The following CTDNEP1 variants were observed in gnomAD, a reference collection of about 807,000 sequenced individuals.
CTDNEP1 encodes the protein CTD nuclear envelope phosphatase 1.
CTDNEP1 carries 3 observed loss-of-function variants against 30.1 expected under a neutral mutation model. The observed-to-expected ratio is 0.10, with a 90% CI of 0.05 to 0.26. CTDNEP1 has a LOEUF of 0.26. CTDNEP1 is among the 10% of genes least tolerant of loss of function. The pLI, the probability that CTDNEP1 is intolerant of heterozygous loss-of-function variation, is 1.00. For missense variants in CTDNEP1, 158 were observed against 310.4 expected, an observed-to-expected ratio of 0.51 and a Z score of 3.69; for synonymous variants, 123 against 118.8, an observed-to-expected ratio of 1.04 and a Z score of -0.23.
chr17:7,250,874 G>C (rs1173569929), intron 1 of CTDNEP1, among the ~76,000 whole-genome samples: 1 of 152,078 alleles, frequency 6.6e-6, no homozygotes, highest in Non-Finnish European at 1.5e-5. Context: ...CATCAAACAG[G>C]TGTTCCCCGC....
At position 7,246,933 on chromosome 17, in the gene CTDNEP1, A is replaced by G; in HGVS notation, c.289-71T>C. On this transcript the variant is annotated intron_variant, in intron 3 of 7. Coordinates refer to ENST00000574322, the MANE Select transcript of CTDNEP1 (RefSeq NM_001143775.2). The surrounding 1 kb of genome is among the most constrained non-coding windows in gnomAD (Gnocchi z 4.9). Reference sequence around the variant, plus strand: ...CCCAGGCCTAGAAAACGCCCCACCCATCTGCTTCCCTCCTCCAGGCTGACA... The same window carrying G: ...CCCAGGCCTAGAAAACGCCCCACCCGTCTGCTTCCCTCCTCCAGGCTGACA... 6.8e-7 allele frequency: 1 copy of G among 1,468,832 alleles called. No homozygotes were observed. Among genetic ancestry groups the G allele is most frequent in the South Asian group, 1.1e-5 (1 of 87,274 alleles). The allele number at this position is 1,468,832 out of a possible 1,614,324, so 91.0% of individuals were successfully genotyped here. A position where few individuals can be genotyped will look rare whatever the true frequency, so the allele number is the denominator to read the frequency against.
At chr17:7,245,528 T>A (rs1296596621) in intron 6 of CTDNEP1, among the ~76,000 whole-genome samples, 1 of 151,922 alleles carries the variant, frequency 6.6e-6, no homozygotes. Context: ...AGACGGCGTC[T>A]CGCTCTGTCA....
chr17:7,246,256 G>A lies in CTDNEP1; in HGVS notation c.475C>T (p.Gln159Ter). The A allele has an allele frequency of 6.2e-7, 1 of 1,608,972 alleles. No homozygotes were observed. Among genetic ancestry groups the A allele is most frequent in the Non-Finnish European group, 8.5e-7 (1 of 1,175,358 alleles). ...RSILKRRYYR[Q>*]HCTLELGSYI... ...CTTAGACTGGGATTCTAGCTTACCT[G>A]TCTGTAATATCTCCTCTTAAGAATG... Residue 159 changes from glutamine (Q) to a stop codon, truncating the protein, a stop_gained and splice_region_variant, in exon 5 of 8, where the codon CAG becomes TAG. Coordinates refer to ENST00000574322, the MANE Select transcript of CTDNEP1 (RefSeq NM_001143775.2). LOFTEE classifies it high-confidence loss of function. This position sits in a 1 kb window ranked among gnomAD's most constrained non-coding sequence, Gnocchi z 4.9.
intron 1 of CTDNEP1, among the ~76,000 whole-genome samples, chr17:7,248,506 C>T (rs547187480): frequency 6.0e-5 from 9 of 150,664 alleles, no homozygotes; most frequent in East Asian, 4.0e-4. Flanking sequence ...ACTATAGGCG[C>T]GCGAACCACG....
In CTDNEP1 at chr17:7,251,235, C is replaced by G; in HGVS notation, c.62G>C (p.Trp21Ser). 6.2e-7 allele frequency: 1 copy of G among 1,603,100 alleles called. No homozygotes were observed. Among genetic ancestry groups the G allele is most frequent in the Non-Finnish European group, 8.5e-7 (1 of 1,175,994 alleles). ...CCGCAGAAGGTAAATGAAGAAGCTC[C>G]AGAGCTTGGCGGCGAAGGCCACGAA... is the stretch of plus-strand genomic sequence containing the variant. Reference protein sequence around the residue: ...RTFVAFAAKLWSFFIYLLRRQ... With the variant: ...RTFVAFAAKLSSFFIYLLRRQ... Residue 21 changes from tryptophan (W) to serine (S), a missense_variant, in exon 1 of 8, where the codon TGG becomes TCG. Transcript: ENST00000574322.
In CTDNEP1 at chr17:7,246,753, C is replaced by T; in HGVS notation, c.360+38G>A. On this transcript the variant is annotated intron_variant, in intron 4 of 7. Coordinates refer to ENST00000574322, the MANE Select transcript of CTDNEP1 (RefSeq NM_001143775.2). The surrounding 1 kb of genome is among the most constrained non-coding windows in gnomAD (Gnocchi z 4.9). The stretch of plus-strand genomic sequence containing the variant: ...AATTCCCAGAGCCCTAAAACCATTC[C>T]TTCATTACAGAGCTCCCTTTAGCTC... 1 of 1,557,144 alleles carries T rather than the reference C, an allele frequency of 6.4e-7. No individual in the cohort carries two copies. The highest frequency in any genetic ancestry group is 8.9e-7 in the Non-Finnish European group (1 of 1,129,548).
In CTDNEP1 at chr17:7,244,154, C is replaced by G. The variant is rs779755424; in HGVS notation, c.*31G>C. The G allele has an allele frequency of 2.6e-5, 42 of 1,613,110 alleles. No homozygotes were observed. The highest frequency in any genetic ancestry group is 4.5e-5 in the East Asian group (2 of 44,878). On this transcript the variant is annotated 3_prime_UTR_variant, in exon 8 of 8. Coordinates refer to ENST00000574322, the MANE Select transcript of CTDNEP1 (RefSeq NM_001143775.2). Reference sequence around the variant, plus strand: ...AAGGGCTCGCCCTCCCTTTCCCCCCCACCCCAACTCAGGTGGAGGGGGAGC... The same window carrying G: ...AAGGGCTCGCCCTCCCTTTCCCCCCGACCCCAACTCAGGTGGAGGGGGAGC...
chr17:7,249,489 T>A (rs968284712), intron 1 of CTDNEP1, among the ~76,000 whole-genome samples: 15 of 152,152 alleles, frequency 9.9e-5, no homozygotes, highest in Admixed American at 9.2e-4. Context: ...GACAAAAGGC[T>A]ATGGGGTCAG....
chr17:7,245,270 T>C (rs1597572919), intron 6 of CTDNEP1, among the ~76,000 whole-genome samples: 1 of 150,472 alleles, frequency 6.6e-6, no homozygotes, highest in South Asian at 2.1e-4. Flanking sequence ...CCAGCCTGGG[T>C]GACAGTGCGA....
chr17:7,249,587 C>T (rs1358646610), intron 1 of CTDNEP1, among the ~76,000 whole-genome samples: 1 of 152,100 alleles, frequency 6.6e-6, no homozygotes, highest in Non-Finnish European at 1.5e-5. Flanking sequence ...TGTGTTGGAG[C>T]GAGAACGTCA....
chr17:7,250,487 C>CT (rs1450399280), intron 1 of CTDNEP1, among the ~76,000 whole-genome samples: 1 of 152,200 alleles, frequency 6.6e-6, no homozygotes, highest in Non-Finnish European at 1.5e-5. Context: ...AGCCCTACAA[C>CT]TGCCCAGCGC....
chr17:7,247,006 T>G (rs1157396102), intron 3 of CTDNEP1, 58 bp downstream of exon 3: 1 of 1,449,834 alleles, frequency 6.9e-7, no homozygotes, highest in Non-Finnish European at 9.7e-7. Context: ...GGAAAGGGAG[T>G]CCAGGTTTGG....
At chr17:7,247,546 G>A (rs1217943261) in intron 1 of CTDNEP1, among the ~76,000 whole-genome samples, 1 of 149,298 alleles carries the variant, frequency 6.7e-6, no homozygotes, top group Admixed American at 6.8e-5. Context: ...TCGGCTCACT[G>A]CAACCTCCGC....
chr17:7,247,575 TCTC>T (rs778399266), intron 1 of CTDNEP1, among the ~76,000 whole-genome samples: 5 of 151,630 alleles, frequency 3.3e-5, no homozygotes, highest in Admixed American at 6.6e-5. Flanking sequence ...TTCAAGCAAT[TCTC>T]CTGCCTCAGC....
At position 7,246,970 on chromosome 17, in the gene CTDNEP1, G is replaced by T. The variant is rs920051722; in HGVS notation, c.288+94C>A. On this transcript the variant is annotated intron_variant, in intron 3 of 7. Coordinates refer to ENST00000574322, the MANE Select transcript of CTDNEP1 (RefSeq NM_001143775.2). This position sits in a 1 kb window ranked among gnomAD's most constrained non-coding sequence, Gnocchi z 4.9. ...CCTCCAGGCTGACACTGGTGCCAGC[G>T]GATGGAGACAGATGCTCTGGGACTG... 2.9e-6 allele frequency: 4 copies of T among 1,397,202 alleles called. No individual in the cohort carries two copies. The highest frequency in any genetic ancestry group is 4.0e-6 in the Non-Finnish European group (4 of 987,872). The allele number at this position is 1,397,202 out of a possible 1,614,324, so 86.6% of individuals were successfully genotyped here.
At chr17:7,250,419 C>T (rs2071899561) in intron 1 of CTDNEP1, among the ~76,000 whole-genome samples, 2 of 152,126 alleles carry the variant, frequency 1.3e-5, no homozygotes, top group Admixed American at 6.5e-5. Flanking sequence ...TGGGTCCATC[C>T]GGACAGTTTC....
chr17:7,244,704 A>T, intron 6 of CTDNEP1, 69 bp from the exon 7 acceptor site: 1 of 1,192,136 alleles, frequency 8.4e-7, no homozygotes, highest in East Asian at 2.4e-5. Context: ...CTCTTCTTGG[A>T]GGGAAGGAGG....
chr17:7,248,215 C>T (rs574303721), intron 1 of CTDNEP1, among the ~76,000 whole-genome samples: 2 of 127,544 alleles, frequency 1.6e-5, no homozygotes, highest in South Asian at 5.7e-4. Flanking sequence ...GAGCCGAGAT[C>T]GCACCACTGT....
rs2071848370 is a variant in CTDNEP1, at chr17:7,247,099, C to A, written c.253G>T (p.Val85Phe). The A allele has an allele frequency of 1.2e-6, 2 of 1,613,132 alleles. No homozygotes were observed. The highest frequency in any genetic ancestry group is 3.3e-5 in the Admixed American group (2 of 60,006). Residue 85 changes from valine (V) to phenylalanine (F), a missense_variant, in exon 3 of 8, where the codon GTC becomes TTC. This residue lies in a region of CTDNEP1 where 96 missense variants were observed against 229.1 expected (regional missense o/e 0.42). Coordinates refer to ENST00000574322, the MANE Select transcript of CTDNEP1 (RefSeq NM_001143775.2). The part of the protein sequence containing the change: ...SHHDGVLRPT[V>F]RPGTPPDFIL... The stretch of plus-strand genomic sequence containing the variant: ...AAGTCAGGAGGCGTACCAGGCCGGA[C>A]TGTGGGCCTCAGGACCCCATCATGG...
Sources: gnomAD v4.1 joint callset for allele counts (sites outside exome capture counted in the v4.1 genomes callset) on GRCh38, gnomAD v4.1.1 for gene constraint, gnomAD v4.1.1 regional missense constraint, Gnocchi (gnomAD v3.1) non-coding constraint, MANE v1.5 for transcripts, NCBI Gene and HGNC (gene_info 2026-07-23, HGNC 2026-07-21) for gene names.